The following NEK1 variants were observed in gnomAD, a reference collection of about 807,000 sequenced individuals.
NEK1 encodes the protein NIMA related kinase 1.
In NEK1, 137 loss-of-function variants were observed where a neutral mutation model predicts 182.1. The observed-to-expected ratio is 0.75, with a 90% CI of 0.65 to 0.87. The LOEUF is 0.87. Among genes scored for constraint, NEK1 ranks in the 40% least tolerant of loss-of-function variants. The pLI is 0.00. For missense variants in NEK1, 1,391 were observed against 1,494.4 expected, an observed-to-expected ratio of 0.93 and a Z score of 1.14; for synonymous variants, 513 against 492.2, an observed-to-expected ratio of 1.04 and a Z score of -0.56.
At chr4:169,488,440 C>T (rs551421432) in intron 23 of NEK1, among the ~76,000 whole-genome samples, 3 of 152,250 alleles carry the variant, frequency 2.0e-5, no homozygotes, top group African/African-American at 7.2e-5. Context: ...AATCCTTTCC[C>T]TATTGCTTGT....
At chr4:169,592,329 T>A (rs899961757) in intron 5 of NEK1, among the ~76,000 whole-genome samples, 1 of 152,136 alleles carries the variant, frequency 6.6e-6, no homozygotes, top group Non-Finnish European at 1.5e-5. Context: ...TGAATGTTCA[T>A]CAAGGGGCCT....
At chr4:169,592,301 C>T (rs916067738) in intron 5 of NEK1, among the ~76,000 whole-genome samples, 3 of 151,884 alleles carry the variant, frequency 2.0e-5, no homozygotes, top group Admixed American at 6.6e-5. Flanking sequence ...TAGCCAGAAC[C>T]CAAAAATATA....
chr4:169,592,698 TAAA>T (rs56303055), intron 5 of NEK1, among the ~76,000 whole-genome samples: 1 of 146,856 alleles, frequency 6.8e-6, no homozygotes, highest in Non-Finnish European at 1.5e-5. Flanking sequence ...CAATTTTCTT[TAAA>T]AAAAAAAAAA....
At chr4:169,552,476 A>C (rs2149892158) in intron 18 of NEK1, among the ~76,000 whole-genome samples, 1 of 152,270 alleles carries the variant, frequency 6.6e-6, no homozygotes, top group East Asian at 1.9e-4. Flanking sequence ...ATCTCCAAAA[A>C]ACCTACAGCT....
intron 12 of NEK1, among the ~76,000 whole-genome samples, chr4:169,570,616 G>A (rs1384066734): frequency 2.3e-4 from 34 of 150,006 alleles, no homozygotes; most frequent in African/African-American, 3.7e-4. Flanking sequence ...GCCTCTGCCC[G>A]GCCGCCCCTG....
At chr4:169,430,758 T>A (rs763390929) in intron 29 of NEK1, among the ~76,000 whole-genome samples, 1 of 152,072 alleles carries the variant, frequency 6.6e-6, no homozygotes, top group Non-Finnish European at 1.5e-5. Context: ...AAGTTAATAG[T>A]AATGTGTCAA....
chr4:169,571,819 C>G (rs570669285), intron 12 of NEK1, among the ~76,000 whole-genome samples: 5 of 151,956 alleles, frequency 3.3e-5, no homozygotes, highest in African/African-American at 1.2e-4. Flanking sequence ...ACCTCTGCCT[C>G]TCAGGTTCAA....
intron 10 of NEK1, among the ~76,000 whole-genome samples, chr4:169,584,702 A>G (rs567640210): frequency 1.8e-4 from 27 of 152,346 alleles, no homozygotes; most frequent in African/African-American, 6.5e-4. Flanking sequence ...CTTACATGCT[A>G]GACATTAAGC....
At chr4:169,592,475 CT>C (rs1290380462) in intron 5 of NEK1, among the ~76,000 whole-genome samples, 3 of 151,962 alleles carry the variant, frequency 2.0e-5, no homozygotes, top group Non-Finnish European at 2.9e-5. Flanking sequence ...TAGTATACCC[CT>C]ATTTAAAAAA....
intron 31 of NEK1, among the ~76,000 whole-genome samples, chr4:169,416,083 G>T (rs183160237): frequency 2.0e-5 from 3 of 152,090 alleles, no homozygotes; most frequent in African/African-American, 7.2e-5. Flanking sequence ...CCACAGATTC[G>T]AAAACTAAGG....
At chr4:169,494,463 T>C (rs967521367) in intron 23 of NEK1, among the ~76,000 whole-genome samples, 3 of 152,238 alleles carry the variant, frequency 2.0e-5, no homozygotes, top group African/African-American at 7.2e-5. Flanking sequence ...TTCCATGGTG[T>C]ATATGTGCCA....
chr4:169,585,431 T>A lies in NEK1; in HGVS notation c.725A>T (p.Asn242Ile), dbSNP rs562597839. 3.2e-5 allele frequency: 51 copies of A among 1,613,772 alleles called. No homozygotes were observed. The South Asian group carries it at 5.3e-4, about 17-fold the overall frequency. ...RSLVSQLFKR[N>I]PRDRPSVNSI... is the part of the protein sequence containing the mutation. ...GTTGACTGATGGTCTATCCCTAGGATTTCTTTTAAATAACTGAGACACCAA... is the reference window on the plus strand; with the variant it reads ...GTTGACTGATGGTCTATCCCTAGGAATTCTTTTAAATAACTGAGACACCAA... The change falls in exon 10 of 36, where the codon AAT (asparagine) becomes ATT (isoleucine). Residue 242 changes from asparagine (N) to isoleucine (I), a missense_variant. Around this residue, in one of 5 missense-constraint regions of NEK1, gnomAD observed 1,216 missense variants for 1,277.6 expected, o/e 0.95. Coordinates refer to ENST00000507142, the MANE Select transcript of NEK1 (RefSeq NM_001199397.3).
intron 27 of NEK1, among the ~76,000 whole-genome samples, chr4:169,453,322 CA>C (rs1742199676): frequency 2.6e-5 from 4 of 152,164 alleles, no homozygotes; most frequent in Non-Finnish European, 5.9e-5. Flanking sequence ...CTTTAAAGTT[CA>C]TATGGAACCA....
At chr4:169,434,927 C>A (rs1201560819) in intron 28 of NEK1, among the ~76,000 whole-genome samples, 2 of 152,160 alleles carry the variant, frequency 1.3e-5, no homozygotes, top group Non-Finnish European at 2.9e-5. Flanking sequence ...ATAAACTTGA[C>A]TTATGACTGC....
intron 27 of NEK1, among the ~76,000 whole-genome samples, chr4:169,440,555 A>T (rs1230670507): frequency 1.3e-5 from 2 of 152,190 alleles, no homozygotes; most frequent in Non-Finnish European, 2.9e-5. Context: ...ATAATAACAC[A>T]TTGAATAGAG....
chr4:169,590,697 C>T, intron 6 of NEK1, 29 bp downstream of exon 6: 2 of 1,496,564 alleles, frequency 1.3e-6, no homozygotes, highest in Non-Finnish European at 1.8e-6. Flanking sequence ...TTTATCCATT[C>T]AGAAGTTATC....
intron 18 of NEK1, among the ~76,000 whole-genome samples, chr4:169,545,045 CTCTGAT>C (rs934870255): frequency 7.2e-6 from 1 of 139,614 alleles, no homozygotes; most frequent in African/African-American, 2.6e-5. Flanking sequence ...GCTCTTGCTT[CTCTGAT>C]TCTTTTTTTT....
intron 19 of NEK1, among the ~76,000 whole-genome samples, chr4:169,528,814 C>A (rs1757265935): frequency 6.6e-6 from 1 of 152,086 alleles, no homozygotes; most frequent in African/African-American, 2.4e-5. Context: ...TAGCAGAAAA[C>A]CATTCCATTC....
chr4:169,564,357 T>C (rs1763368954), intron 12 of NEK1, among the ~76,000 whole-genome samples: 1 of 152,114 alleles, frequency 6.6e-6, no homozygotes, highest in African/African-American at 2.4e-5. Context: ...AATCCAGCAT[T>C]TGATTATATC....
Sources: gnomAD v4.1 joint callset for allele counts (sites outside exome capture counted in the v4.1 genomes callset) on GRCh38, gnomAD v4.1.1 for gene constraint, gnomAD v4.1.1 regional missense constraint, MANE v1.5 for transcripts, NCBI Gene and HGNC (gene_info 2026-07-23, HGNC 2026-07-21) for gene names.